Variants in IL1RAPL2 observed in about 807,000 individuals in gnomAD.
IL1RAPL2 encodes the protein interleukin 1 receptor accessory protein like 2, also known as X-linked interleukin-1 receptor accessory protein-like 2.
IL1RAPL2 carries 3 observed loss-of-function variants against 44.1 expected under a neutral mutation model. The ratio of observed to expected loss-of-function variants is 0.07; its 90% confidence interval spans 0.03 to 0.18. The LOEUF (loss-of-function observed/expected upper bound fraction) is 0.18, where lower values mean the gene tolerates loss of function less well. IL1RAPL2 is among the 10% of genes least tolerant of loss of function. The probability of loss-of-function intolerance (pLI) is 1.00; values close to 1 mark genes in which losing one functional copy is unlikely to be tolerated. For synonymous variants in IL1RAPL2, 181 were observed against 178.8 expected (o/e 1.01, Z -0.10); for missense variants, 391 against 496.4 (o/e 0.79, Z 2.02).
At chrX:104,595,753 G>A (rs1268504206) in intron 1 of IL1RAPL2, among the ~76,000 whole-genome samples, 1 of 111,459 alleles carries the variant, frequency 9.0e-6, no homozygotes, top group East Asian at 2.8e-4. Context: ...TTGTGCAAAT[G>A]GTTTATTTTC....
At chrX:104,827,662 A>G (rs1464324967) in intron 2 of IL1RAPL2, among the ~76,000 whole-genome samples, 1 of 111,478 alleles carries the variant, frequency 9.0e-6, no homozygotes, top group Non-Finnish European at 1.9e-5. Context: ...CTGAATTTGA[A>G]TATTGGCCTG....
intron 6 of IL1RAPL2, among the ~76,000 whole-genome samples, chrX:105,516,748 CCTA>C (rs1478403341): frequency 2.7e-5 from 3 of 111,894 alleles, no homozygotes; most frequent in Non-Finnish European, 1.9e-5. Flanking sequence ...CTTTTTATCA[CCTA>C]CTGTGTGCCA....
chrX:105,185,506 C>T (rs142831064), intron 2 of IL1RAPL2, among the ~76,000 whole-genome samples: 1,173 of 111,638 alleles, frequency 0.011, 18 homozygotes, highest in African/African-American at 0.037. Context: ...TCCATTTTAC[C>T]GGTACTGGGT....
intron 1 of IL1RAPL2, among the ~76,000 whole-genome samples, chrX:104,599,524 A>C (rs893327509): frequency 2.7e-5 from 3 of 110,753 alleles, no homozygotes; most frequent in African/African-American, 9.9e-5. Context: ...CTGGGATCAC[A>C]AGCATGAGTC....
chrX:104,824,555 A>T (rs1921399512), intron 2 of IL1RAPL2, among the ~76,000 whole-genome samples: 2 of 111,766 alleles, frequency 1.8e-5, no homozygotes, highest in Non-Finnish European at 3.8e-5. Flanking sequence ...TTACTGCCTG[A>T]ATTTCAGAAC....
intron 1 of IL1RAPL2, among the ~76,000 whole-genome samples, chrX:104,610,873 A>G (rs1419783339): frequency 1.8e-5 from 2 of 112,060 alleles, no homozygotes; most frequent in Non-Finnish European, 1.9e-5. Flanking sequence ...ACCTAACTTC[A>G]AACTATACTA....
chrX:104,904,972 C>T (rs1923941754), intron 2 of IL1RAPL2, among the ~76,000 whole-genome samples: 1 of 111,015 alleles, frequency 9.0e-6, no homozygotes, highest in Non-Finnish European at 1.9e-5. Context: ...CTGTTGTTTC[C>T]TGACTTTTTA....
intron 6 of IL1RAPL2, among the ~76,000 whole-genome samples, chrX:105,512,024 C>T (rs1025055172): frequency 3.6e-5 from 4 of 110,766 alleles, no homozygotes; most frequent in Non-Finnish European, 7.6e-5. Context: ...TACTTAACGA[C>T]TCGAATTTCA....
At chrX:105,002,194 C>A (rs116133426) in intron 2 of IL1RAPL2, among the ~76,000 whole-genome samples, 2,025 of 110,994 alleles carry the variant, frequency 0.018, 48 homozygotes, top group African/African-American at 0.062. Flanking sequence ...CCTTCTATAT[C>A]TGAACTGCTA....
intron 3 of IL1RAPL2, among the ~76,000 whole-genome samples, chrX:105,216,706 T>A (rs2033861798): frequency 9.0e-6 from 1 of 111,331 alleles, no homozygotes; most frequent in African/African-American, 3.3e-5. Flanking sequence ...CAAACTATAC[T>A]ACAAGGCTAC....
intron 6 of IL1RAPL2, among the ~76,000 whole-genome samples, chrX:105,643,205 C>T (rs1027014908): frequency 1.8e-5 from 2 of 111,522 alleles, no homozygotes; most frequent in Non-Finnish European, 3.8e-5. Flanking sequence ...GTGTTTGTAA[C>T]GGTGATGGTG....
At chrX:105,089,899 G>C (rs1228232384) in intron 2 of IL1RAPL2, among the ~76,000 whole-genome samples, 1 of 111,886 alleles carries the variant, frequency 8.9e-6, no homozygotes, top group Admixed American at 9.6e-5. Flanking sequence ...AGGAAAAGCA[G>C]TAAGAGTTAA....
chrX:105,218,884 C>T, intron 3 of IL1RAPL2: 1 of 954,317 alleles, frequency 1.0e-6, no homozygotes, highest in East Asian at 3.1e-5. Context: ...ACCCCGGCCC[C>T]CGCCACCACA....
At chrX:105,677,656 T>C (rs1207692946) in intron 6 of IL1RAPL2, among the ~76,000 whole-genome samples, 1 of 111,201 alleles carries the variant, frequency 9.0e-6, no homozygotes, top group Non-Finnish European at 1.9e-5. Flanking sequence ...ATCTGAAAGA[T>C]TTTTTTTGGT....
At chrX:105,451,091 TC>T (rs931394128) in intron 5 of IL1RAPL2, among the ~76,000 whole-genome samples, 20 of 111,420 alleles carry the variant, frequency 1.8e-4, no homozygotes, top group African/African-American at 6.2e-4. Flanking sequence ...CTCCCTTTTC[TC>T]CTAGGCTTAT....
intron 5 of IL1RAPL2, among the ~76,000 whole-genome samples, chrX:105,337,370 C>A (rs2035036282): frequency 8.9e-6 from 1 of 112,069 alleles, no homozygotes; most frequent in African/African-American, 3.2e-5. Flanking sequence ...TGGGAGTAAC[C>A]AGAGAATAAT....
chrX:105,637,750 G>A (rs2147837708), intron 6 of IL1RAPL2, among the ~76,000 whole-genome samples: 1 of 108,651 alleles, frequency 9.2e-6, no homozygotes, highest in East Asian at 3.0e-4. Context: ...TAGACATAAG[G>A]AAAAACAACC....
chrX:105,339,970 C>T (rs1234829333), intron 5 of IL1RAPL2, among the ~76,000 whole-genome samples: 1 of 111,740 alleles, frequency 8.9e-6, no homozygotes, highest in African/African-American at 3.3e-5. Context: ...ATTATTATCA[C>T]TTTGGAGTGC....
chrX:105,675,215 G>T (rs377250896), intron 6 of IL1RAPL2, among the ~76,000 whole-genome samples: 3 of 111,557 alleles, frequency 2.7e-5, no homozygotes, highest in East Asian at 5.6e-4. Context: ...GCAGTGGTGA[G>T]AAAGGGCATC....
Sources: gnomAD v4.1 joint callset for allele counts (sites outside exome capture counted in the v4.1 genomes callset) on GRCh38, gnomAD v4.1.1 for gene constraint, MANE v1.5 for transcripts, NCBI Gene and HGNC (gene_info 2026-07-23, HGNC 2026-07-21) for gene names.